KIAA1217: variants seen among roughly 807,000 people sequenced by gnomAD.
The protein encoded by KIAA1217 is KIAA1217.
Under a neutral mutation model 163.9 loss-of-function variants are expected in KIAA1217, and 88 were observed. The observed-to-expected ratio is 0.54, with a 90% CI of 0.45 to 0.64. The LOEUF is 0.64. Among genes scored for constraint, KIAA1217 ranks in the 30% least tolerant of loss-of-function variants. KIAA1217 has a pLI of 0.00. For synonymous variants in KIAA1217, 903 were observed against 923.1 expected (o/e 0.98, Z 0.39); for missense variants, 2,372 against 2,475.0 (o/e 0.96, Z 0.88).
intron 5 of KIAA1217, among the ~76,000 whole-genome samples, chr10:24,463,117 A>G (rs1038085279): frequency 6.6e-6 from 1 of 152,360 alleles, no homozygotes; most frequent in Admixed American, 6.5e-5. Flanking sequence ...CCTGGGGAAC[A>G]TGGGAGTAGC....
chr10:24,424,860 C>T (rs894672098), intron 3 of KIAA1217, among the ~76,000 whole-genome samples: 8 of 152,212 alleles, frequency 5.3e-5, no homozygotes, highest in African/African-American at 1.4e-4. Context: ...CTCGGCCTCC[C>T]ACAGTGCTGG....
At chr10:23,997,566 T>C (rs746102739) in intron 1 of KIAA1217, among the ~76,000 whole-genome samples, 1 of 152,222 alleles carries the variant, frequency 6.6e-6, no homozygotes, top group African/African-American at 2.4e-5. Flanking sequence ...ACGCTCAGGC[T>C]GGAAGGTTTC....
At chr10:24,205,618 A>G (rs1358403930), upstream of KIAA1217, among the ~76,000 whole-genome samples, 1 of 151,720 alleles carries the variant, frequency 6.6e-6, no homozygotes, top group African/African-American at 2.4e-5. Flanking sequence ...CTAAAAATAC[A>G]AAAAGTTAGC....
At chr10:23,934,968 A>G (rs1843462063) in intron 1 of KIAA1217, among the ~76,000 whole-genome samples, 1 of 152,048 alleles carries the variant, frequency 6.6e-6, no homozygotes, top group African/African-American at 2.4e-5. Context: ...AACAAATGCA[A>G]ATAAATTCAT....
At chr10:23,849,845 C>T (rs899265184) in intron 1 of KIAA1217, among the ~76,000 whole-genome samples, 4 of 151,918 alleles carry the variant, frequency 2.6e-5, no homozygotes, top group South Asian at 2.1e-4. Flanking sequence ...CCAATGTGAC[C>T]GTCTTTGATT....
At chr10:23,904,477 G>T (rs1325278434) in intron 1 of KIAA1217, among the ~76,000 whole-genome samples, 2 of 152,158 alleles carry the variant, frequency 1.3e-5, no homozygotes, top group Non-Finnish European at 2.9e-5. Context: ...CACAACAAAA[G>T]TTATATTGTA....
At chr10:24,007,903 T>C (rs545455194) in intron 2 of KIAA1217, among the ~76,000 whole-genome samples, 2 of 152,288 alleles carry the variant, frequency 1.3e-5, no homozygotes, top group Admixed American at 1.3e-4. Context: ...TTCATTGAGA[T>C]CCCTTTGCTT....
In KIAA1217 at chr10:24,390,479, A is replaced by AG. The variant is rs1564597691; in HGVS notation, c.553+9414dup. Among the ~76,000 whole-genome samples, 317 of 101,690 alleles carry AG rather than the reference A, an allele frequency of 3.1e-3. 2 individuals carry two copies. The highest frequency in any genetic ancestry group is 9.5e-3 in the African/African-American group (223 of 23,400). The allele number at this position is 101,690 out of a possible 152,430, so 66.7% of individuals were successfully genotyped here. A position where few individuals can be genotyped will look rare whatever the true frequency, so the allele number is the denominator to read the frequency against. ...AAAAAAGGAGGGAGGGAGGGAGGGA[A>AG]GGAAGGAAGGAAGGAAGGAAGGAAG... On this transcript the variant is annotated intron_variant, in intron 3 of 20. Coordinates refer to ENST00000376454, the MANE Select transcript of KIAA1217 (RefSeq NM_019590.5).
At chr10:23,865,762 T>G (rs1840151167) in intron 1 of KIAA1217, among the ~76,000 whole-genome samples, 2 of 152,166 alleles carry the variant, frequency 1.3e-5, no homozygotes, top group Non-Finnish European at 2.9e-5. Flanking sequence ...TTGTCAATGG[T>G]GACAGTAAAA....
At chr10:23,901,736 G>C (rs1017415282) in intron 1 of KIAA1217, among the ~76,000 whole-genome samples, 2 of 151,764 alleles carry the variant, frequency 1.3e-5, no homozygotes, top group Non-Finnish European at 2.9e-5. Context: ...GGTGAAACCT[G>C]CCTCTACTAA....
intron 1 of KIAA1217, among the ~76,000 whole-genome samples, chr10:24,214,672 G>A (rs1022909363): frequency 2.6e-5 from 4 of 152,172 alleles, no homozygotes; most frequent in African/African-American, 9.7e-5. Context: ...ACCCAGAGAG[G>A]TTGTACAACC....
chr10:23,704,301 A>G, intron 1 of KIAA1217, among the ~76,000 whole-genome samples: 1 of 148,642 alleles, frequency 6.7e-6, no homozygotes, highest in East Asian at 2.0e-4. Context: ...TTATTGAGAT[A>G]TAATTCTTAT....
At chr10:23,861,291 A>G (rs914988264) in intron 1 of KIAA1217, among the ~76,000 whole-genome samples, 5 of 152,196 alleles carry the variant, frequency 3.3e-5, no homozygotes. Context: ...CAAGAAAGGC[A>G]GGCTTGGTAA....
chr10:23,800,083 C>T (rs1312351133), intron 1 of KIAA1217, among the ~76,000 whole-genome samples: 1 of 152,072 alleles, frequency 6.6e-6, no homozygotes, highest in African/African-American at 2.4e-5. Flanking sequence ...TCTCACAGAC[C>T]ACCGACCTTG....
chr10:23,826,807 A>T (rs1232404521), intron 1 of KIAA1217, among the ~76,000 whole-genome samples: 8 of 152,070 alleles, frequency 5.3e-5, no homozygotes. Flanking sequence ...AACTCCCCAC[A>T]TGCAATGTTC....
At chr10:23,753,506 A>C (rs1352201727) in intron 1 of KIAA1217, among the ~76,000 whole-genome samples, 2 of 152,214 alleles carry the variant, frequency 1.3e-5, no homozygotes, top group African/African-American at 4.8e-5. Context: ...TATAAGATTT[A>C]GGATGCAAGC....
chr10:24,057,639 G>T (rs1045950258), intron 2 of KIAA1217, among the ~76,000 whole-genome samples: 26 of 152,324 alleles, frequency 1.7e-4, no homozygotes, highest in African/African-American at 6.3e-4. Flanking sequence ...TGTCCCTGAT[G>T]ATTAGTGATG....
chr10:24,054,635 T>C (rs1432608449), intron 2 of KIAA1217, among the ~76,000 whole-genome samples: 1 of 152,206 alleles, frequency 6.6e-6, no homozygotes, highest in African/African-American at 2.4e-5. Context: ...CATACATTAC[T>C]CAATTACGAG....
chr10:24,028,122 A>G (rs1174141679), intron 2 of KIAA1217, among the ~76,000 whole-genome samples: 1 of 152,154 alleles, frequency 6.6e-6, no homozygotes, highest in East Asian at 1.9e-4. Flanking sequence ...ATAGAGATGG[A>G]CAAGTAGACA....
Sources: gnomAD v4.1 joint callset for allele counts (sites outside exome capture counted in the v4.1 genomes callset) on GRCh38, gnomAD v4.1.1 for gene constraint, MANE v1.5 for transcripts, NCBI Gene and HGNC (gene_info 2026-07-23, HGNC 2026-07-21) for gene names.